Variants in ZC3H12C observed in about 807,000 individuals in gnomAD.
ZC3H12C encodes probable ribonuclease ZC3H12C.
ZC3H12C carries 20 observed loss-of-function variants against 76.3 expected under a neutral mutation model. That is an observed-to-expected ratio of 0.26 (90% CI 0.18 to 0.38). The LOEUF (loss-of-function observed/expected upper bound fraction) is 0.38. Ranked by LOEUF, ZC3H12C falls within the 10% of genes least tolerant of loss-of-function variation. ZC3H12C has a pLI of 1.00. For synonymous variants in ZC3H12C, 352 were observed against 399.6 expected, an observed-to-expected ratio of 0.88 and a Z score of 1.42; for missense variants, 874 against 1,086.5, an observed-to-expected ratio of 0.80 and a Z score of 2.75.
chr11:110,138,882 T>A lies in ZC3H12C; in HGVS notation c.773+1468T>A, dbSNP rs1388898623. Among the ~76,000 whole-genome samples the A allele has an allele frequency of 5.3e-5, 8 of 152,332 alleles. No homozygotes were observed. The East Asian group carries it at 1.5e-3, about 29-fold the overall frequency. Reference sequence around the variant, plus strand: ...CCTGCATTATTCTTTTGATTTTAAGTCTTTGAAATCTGGTGTATATCTTAT... The same window carrying A: ...CCTGCATTATTCTTTTGATTTTAAGACTTTGAAATCTGGTGTATATCTTAT... On this transcript the variant is annotated intron_variant, in intron 2 of 5. Transcript: ENST00000278590.
At chr11:110,131,230 A>G in intron 1 of ZC3H12C, 1 of 757,540 alleles carries the variant, frequency 1.3e-6, no homozygotes, top group South Asian at 1.7e-5. Flanking sequence ...CATAGTGCCA[A>G]CATACCAGAA....
At chr11:110,140,023 C>T (rs996436333) in intron 2 of ZC3H12C, among the ~76,000 whole-genome samples, 9 of 152,128 alleles carry the variant, frequency 5.9e-5, no homozygotes, top group East Asian at 1.9e-4. Flanking sequence ...CAATTAAGGC[C>T]GGGCACAGTG....
chr11:110,137,363 A>G lies in ZC3H12C; in HGVS notation c.722A>G (p.Asp241Gly), dbSNP rs1370645091. Residue 241 changes from aspartate (D) to glycine (G), a missense_variant, in exon 2 of 6, where the codon GAT (aspartate) becomes GGT (glycine). Transcript: ENST00000278590. Reference protein sequence around the residue: ...ESPMQEIVTDDGENLRPIVID... With the variant: ...ESPMQEIVTDGGENLRPIVID... ...CCAATGCAAGAGATTGTAACAGATG[A>G]TGGTGAAAATCTGAGACCAATAGTT... 6.2e-7 allele frequency: 1 copy of G among 1,613,284 alleles called. No homozygotes were observed. The highest frequency in any genetic ancestry group is 8.5e-7 in the Non-Finnish European group (1 of 1,179,786).
At position 110,165,806 on chromosome 11, in the gene ZC3H12C, A is replaced by C; in HGVS notation, c.*69A>C. On this transcript the variant is annotated 3_prime_UTR_variant, in exon 6 of 6. Transcript: ENST00000278590. Reference sequence around the variant, plus strand: ...TCAAATGCTGAGGGAGGTTTGCTACAATAGCACATGTGATCTCCTTCTCAG... The same window carrying C: ...TCAAATGCTGAGGGAGGTTTGCTACCATAGCACATGTGATCTCCTTCTCAG... 7.2e-7 allele frequency: 1 copy of C among 1,392,646 alleles called. No individual in the cohort carries two copies. The highest frequency in any genetic ancestry group is 9.7e-7 in the Non-Finnish European group (1 of 1,033,588). 86.3% of individuals were successfully genotyped at this position (1,392,646 alleles called of 1,614,324 possible). A position where few individuals can be genotyped will look rare whatever the true frequency, so the allele number is the denominator to read the frequency against.
At chr11:110,102,228 C>T (rs755645828) in intron 1 of ZC3H12C, among the ~76,000 whole-genome samples, 54 of 149,124 alleles carry the variant, frequency 3.6e-4, no homozygotes, top group Non-Finnish European at 5.8e-4. Context: ...GCAAAATACA[C>T]TGAAGACCTT....
rs774017439 is a variant in ZC3H12C at position 110,159,252 on chromosome 11, G to T, written c.914-4G>T. On this transcript the variant is annotated splice_region_variant and splice_polypyrimidine_tract_variant and intron_variant, in intron 3 of 5. Transcript: ENST00000278590. ...CTGCCATCCTACCGTCATTATTCTT[G>T]CAGATCAGGAAATTTTACGTAAATT... 2.1e-5 allele frequency: 33 copies of T among 1,601,140 alleles called. No individual in the cohort carries two copies. The Admixed American group carries it at 5.5e-4, about 27-fold the overall frequency.
In ZC3H12C at chr11:110,171,214, T is replaced by A. The variant is rs1353894297; in HGVS notation, c.*5477T>A. The stretch of plus-strand genomic sequence containing the variant: ...ATCGTTTGTTTTTATGAAGAATAGG[T>A]GTTCAGATTCCTTCAGTTTTTTTGA... On this transcript the variant is annotated 3_prime_UTR_variant, in exon 6 of 6. Transcript: ENST00000278590. 1 of 152,222 alleles carries A rather than the reference T, an allele frequency of 6.6e-6. No individual in the cohort carries two copies. The highest frequency in any genetic ancestry group is 1.5e-5 in the Non-Finnish European group (1 of 68,034). The allele number at this position is 152,222 out of a possible 1,614,324, so 9.4% of individuals were successfully genotyped here.
chr11:110,150,548 G>T (rs1285357122), intron 2 of ZC3H12C, among the ~76,000 whole-genome samples: 2 of 151,968 alleles, frequency 1.3e-5, no homozygotes, highest in African/African-American at 4.8e-5. Flanking sequence ...TGTATGTATG[G>T]TACAGATTCC....
chr11:110,150,929 C>T (rs1862261092), intron 2 of ZC3H12C, among the ~76,000 whole-genome samples: 1 of 152,032 alleles, frequency 6.6e-6, no homozygotes, highest in Non-Finnish European at 1.5e-5. Flanking sequence ...AGAGCTGTGC[C>T]TAGCATAGCA....
chr11:110,117,877 CATAT>C (rs201259750), intron 1 of ZC3H12C, among the ~76,000 whole-genome samples: 12 of 39,908 alleles, frequency 3.0e-4, no homozygotes, highest in South Asian at 7.4e-4. Flanking sequence ...TATACACACA[CATAT>C]ATATATTATA....
chr11:110,140,439 A>G (rs1331612604), intron 2 of ZC3H12C, among the ~76,000 whole-genome samples: 1 of 152,222 alleles, frequency 6.6e-6, no homozygotes, highest in East Asian at 1.9e-4. Context: ...CTAAATCTCC[A>G]TATCCCATTT....
In ZC3H12C at chr11:110,138,701, G is replaced by A. The variant is rs183930218; in HGVS notation, c.773+1287G>A. Among the ~76,000 whole-genome samples the A allele has an allele frequency of 1.6e-4, 24 of 152,032 alleles. No homozygotes were observed. In the East Asian group the frequency reaches 4.5e-3, roughly 28 times the overall value. On this transcript the variant is annotated intron_variant, in intron 2 of 5. Coordinates refer to ENST00000278590, the MANE Select transcript of ZC3H12C (RefSeq NM_033390.2). ...CCTCCCTGAGTAGCTGGGACTCCAG[G>A]CACATGCCACCGTGCCTGGCTAATT...
At position 110,164,607 on chromosome 11, in the gene ZC3H12C, C is replaced by T. The variant is rs1862542204; in HGVS notation, c.1522C>T (p.Pro508Ser). 1.2e-6 allele frequency: 2 copies of T among 1,614,010 alleles called. No individual in the cohort carries two copies. Among genetic ancestry groups the T allele is most frequent in the Non-Finnish European group, 1.7e-6 (2 of 1,179,882 alleles). The change falls in exon 6 of 6, where the codon CCC becomes TCC. Residue 508 changes from proline to serine, a missense_variant. Pro to Ser is a moderately conservative substitution (Grantham distance 74). Around this residue, in one of 3 missense-constraint regions of ZC3H12C, gnomAD observed 269 missense variants for 424.9 expected, o/e 0.63. Coordinates refer to ENST00000278590, the MANE Select transcript of ZC3H12C (RefSeq NM_033390.2). This position sits in a 1 kb window ranked among gnomAD's most constrained non-coding sequence, Gnocchi z 5.7. ...QVYQDLEEKL[P>S]TKNKLETRSV... ...CTACCAAGACCTAGAAGAAAAGCTT[C>T]CCACCAAAAACAAATTGGAAACCAG...
chr11:110,159,383 C>G lies in ZC3H12C; in HGVS notation c.1041C>G (p.Asp347Glu). The change falls in exon 4 of 6, where the codon GAC (aspartate) becomes GAG (glutamate). Residue 347 changes from aspartate (D) to glutamate (E), a missense_variant. Transcript: ENST00000278590. ...TCGTGAAGCTGGCTTTTGAGTCGGA[C>G]GGTATCATTGTGTCCAATGATAACT... ...RFIVKLAFES[D>E]GIIVSNDNYR... is the part of the protein sequence containing the mutation. The G allele has an allele frequency of 1.9e-6, 3 of 1,613,962 alleles. No individual in the cohort carries two copies. The highest frequency in any genetic ancestry group is 2.5e-6 in the Non-Finnish European group (3 of 1,179,964).
intron 3 of ZC3H12C, among the ~76,000 whole-genome samples, chr11:110,158,790 T>A (rs1454010818): frequency 6.6e-6 from 1 of 152,240 alleles, no homozygotes; most frequent in South Asian, 2.1e-4. Context: ...CTTCCTTTCA[T>A]ACTCTCCCAC....
intron 1 of ZC3H12C, among the ~76,000 whole-genome samples, chr11:110,113,277 T>C (rs1370522890): frequency 2.6e-5 from 4 of 152,168 alleles, no homozygotes; most frequent in Non-Finnish European, 5.9e-5. Flanking sequence ...AATTTAGCAT[T>C]TCCCTTAATT....
intron 1 of ZC3H12C, among the ~76,000 whole-genome samples, chr11:110,114,065 G>A (rs1488963542): frequency 1.3e-5 from 2 of 152,164 alleles, no homozygotes; most frequent in Admixed American, 6.5e-5. Context: ...ACTCCGTATA[G>A]CATTATAGAC....
At chr11:110,141,582 T>G (rs556478626) in intron 2 of ZC3H12C, among the ~76,000 whole-genome samples, 1 of 152,270 alleles carries the variant, frequency 6.6e-6, no homozygotes, top group Non-Finnish European at 1.5e-5. Flanking sequence ...AAAATCATCC[T>G]GGACACCTAG....
In ZC3H12C at chr11:110,164,721, G is replaced by A; in HGVS notation, c.1636G>A (p.Val546Ile). The A allele has an allele frequency of 6.2e-7, 1 of 1,614,010 alleles. No individual in the cohort carries two copies. The highest frequency in any genetic ancestry group is 8.5e-7 in the Non-Finnish European group (1 of 1,179,896). ...TSLSNGLPSG[V>I]HFPPQDQRPQ... ...TTTAAGCAATGGCCTTCCATCTGGA[G>A]TTCATTTCCCACCTCAGGATCAAAG... The change falls in exon 6 of 6, where the codon GTT (valine) becomes ATT (isoleucine). Residue 546 changes from valine (V) to isoleucine (I), a missense_variant. Coordinates refer to ENST00000278590, the MANE Select transcript of ZC3H12C (RefSeq NM_033390.2). This position sits in a 1 kb window ranked among gnomAD's most constrained non-coding sequence, Gnocchi z 5.7.
Sources: gnomAD v4.1 joint callset for allele counts (sites outside exome capture counted in the v4.1 genomes callset) on GRCh38, gnomAD v4.1.1 for gene constraint, gnomAD v4.1.1 regional missense constraint, Gnocchi (gnomAD v3.1) non-coding constraint, MANE v1.5 for transcripts, NCBI Gene and HGNC (gene_info 2026-07-23, HGNC 2026-07-21) for gene names.